The following SHISA9 variants were observed in gnomAD, a reference collection of about 807,000 sequenced individuals.
SHISA9 encodes the protein protein shisa-9.
In SHISA9, 13 loss-of-function variants were observed where a neutral mutation model predicts 38.0. The ratio of observed to expected loss-of-function variants is 0.34; its 90% CI spans 0.22 to 0.54. The LOEUF is 0.54. Ranked by LOEUF, SHISA9 falls within the 20% of genes least tolerant of loss-of-function variation. The pLI is 0.91. For missense variants in SHISA9, 538 were observed against 575.8 expected (o/e 0.93, Z 0.67); for synonymous variants, 275 against 242.0 (o/e 1.14, Z -1.27).
chr16:12,950,321 A>G (rs192721703), intron 2 of SHISA9, among the ~76,000 whole-genome samples: 1 of 152,330 alleles, frequency 6.6e-6, no homozygotes, highest in African/African-American at 2.4e-5. Context: ...ATGCCACTAT[A>G]AACAAGGGAG....
chr16:13,010,151 T>C (rs934846020), intron 2 of SHISA9, among the ~76,000 whole-genome samples: 4 of 152,200 alleles, frequency 2.6e-5, no homozygotes, highest in Admixed American at 2.6e-4. Context: ...GCATTCAGCC[T>C]GGGTAACAGC....
chr16:13,490,192 A>G, the SHISA9 span, among the ~76,000 whole-genome samples: 1 of 152,218 alleles, frequency 6.6e-6, no homozygotes, highest in African/African-American at 2.4e-5. Flanking sequence ...CAGAAGCCAT[A>G]GCAGGAGCAG....
chr16:12,920,079 G>A (rs569769097), intron 2 of SHISA9, among the ~76,000 whole-genome samples: 7 of 152,078 alleles, frequency 4.6e-5, no homozygotes, highest in Admixed American at 6.5e-5. Flanking sequence ...TGGAAGACGT[G>A]AGTGAGGGGC....
At chr16:13,515,010 A>G in the SHISA9 span, among the ~76,000 whole-genome samples, 1 of 152,158 alleles carries the variant, frequency 6.6e-6, no homozygotes, top group African/African-American at 2.4e-5. Flanking sequence ...CTTGTGAGAA[A>G]CAACGCAAGC....
In SHISA9 at chr16:12,997,413, T is replaced by TG. The variant is rs1450553793; in HGVS notation, c.691+80598_691+80599insG. ...TTTCCAGTTTAGGCTTAACCTAGTT[T>TG]TTTTTTTTTTTTTTAGACAGTCTCG... On this transcript the variant is annotated intron_variant, in intron 2 of 4. Coordinates refer to ENST00000558583, the MANE Select transcript of SHISA9 (RefSeq NM_001145204.3). Among the ~76,000 whole-genome samples the TG allele has an allele frequency of 2.4e-3, 361 of 151,192 alleles. 2 individuals carry two copies. Among genetic ancestry groups the TG allele is most frequent in the Non-Finnish European group, 4.1e-3 (280 of 67,722 alleles).
At chr16:13,394,929 GT>G in the SHISA9 span, among the ~76,000 whole-genome samples, 2,533 of 20,160 alleles carry the variant, frequency 0.13, 43 homozygotes, top group African/African-American at 0.22. Flanking sequence ...AGTATCTGGG[GT>G]GTGTGTGTGT....
the SHISA9 span, among the ~76,000 whole-genome samples, chr16:13,390,124 CTTT>C: frequency 6.3e-3 from 934 of 149,348 alleles, 13 homozygotes; most frequent in African/African-American, 0.022. Flanking sequence ...TTTTTCTAAC[CTTT>C]TTTTTTTTTT....
intron 2 of SHISA9, among the ~76,000 whole-genome samples, chr16:12,944,996 C>T (rs1368283281): frequency 3.9e-5 from 6 of 152,274 alleles, no homozygotes; most frequent in Middle Eastern, 3.4e-3. Flanking sequence ...GCAAGAAGAA[C>T]GTGCCCCAGA....
At chr16:13,386,016 A>G in the SHISA9 span, among the ~76,000 whole-genome samples, 392 of 152,284 alleles carry the variant, frequency 2.6e-3, 5 homozygotes, top group Admixed American at 0.018. Flanking sequence ...TGAGTAAGAA[A>G]GGACACCATA....
chr16:12,950,938 C>T (rs1296951166), intron 2 of SHISA9, among the ~76,000 whole-genome samples: 2 of 147,950 alleles, frequency 1.4e-5, no homozygotes, highest in African/African-American at 4.9e-5. Context: ...TTAAATGTGG[C>T]TACTTGAAAA....
intron 2 of SHISA9, among the ~76,000 whole-genome samples, chr16:13,033,339 A>G (rs369346159): frequency 6.6e-6 from 1 of 152,212 alleles, no homozygotes; most frequent in African/African-American, 2.4e-5. Flanking sequence ...GGAAGAATGA[A>G]TACTGGACAG....
the SHISA9 span, among the ~76,000 whole-genome samples, chr16:13,466,778 A>G: frequency 6.6e-6 from 1 of 152,144 alleles, no homozygotes; most frequent in African/African-American, 2.4e-5. Context: ...TTAACTTTGT[A>G]TCAGCATTTA....
chr16:13,144,583 AAAG>A (rs2050431001), intron 2 of SHISA9, among the ~76,000 whole-genome samples: 1 of 152,148 alleles, frequency 6.6e-6, no homozygotes, highest in Non-Finnish European at 1.5e-5. Flanking sequence ...GAGGTCGGGG[AAAG>A]AAGAGATGGA....
chr16:13,468,291 G>A, the SHISA9 span, among the ~76,000 whole-genome samples: 12 of 152,244 alleles, frequency 7.9e-5, no homozygotes, highest in East Asian at 1.7e-3. Context: ...TTCTGGACCC[G>A]GATTATTGGT....
At chr16:13,557,963 T>C in the SHISA9 span, among the ~76,000 whole-genome samples, 29 of 152,092 alleles carry the variant, frequency 1.9e-4, no homozygotes, top group African/African-American at 6.3e-4. Context: ...TTTTAAACTA[T>C]AGGCTTCCGA....
chr16:13,010,301 C>T (rs1319758505), intron 2 of SHISA9, among the ~76,000 whole-genome samples: 1 of 152,064 alleles, frequency 6.6e-6, no homozygotes, highest in Middle Eastern at 3.2e-3. Flanking sequence ...GGACATCAAA[C>T]AAAATGCATT....
In SHISA9 at chr16:12,908,785, C is replaced by T. The variant is rs867748097; in HGVS notation, c.563+6158C>T. 3.1e-4 allele frequency: 421 copies of T among 1,363,698 alleles called. No homozygotes were observed. In the Middle Eastern group the frequency reaches 5.1e-3, roughly 16 times the overall value. The allele number at this position is 1,363,698 out of a possible 1,614,324, so 84.5% of individuals were successfully genotyped here. A position where few individuals can be genotyped will look rare whatever the true frequency, so the allele number is the denominator to read the frequency against. Reference sequence around the variant, plus strand: ...GCAGGCCCAGACGTCTTGGTGGAGGCGTTGGTGAGAAATGACCTTGGGGAC... The same window carrying T: ...GCAGGCCCAGACGTCTTGGTGGAGGTGTTGGTGAGAAATGACCTTGGGGAC... On this transcript the variant is annotated intron_variant, in intron 1 of 4. Transcript: ENST00000558583.
chr16:13,347,963 G>T, the SHISA9 span, among the ~76,000 whole-genome samples: 1 of 152,294 alleles, frequency 6.6e-6, no homozygotes, highest in Non-Finnish European at 1.5e-5. Flanking sequence ...TTAAAATAGG[G>T]AGATTATCCT....
At chr16:13,297,874 A>G in the SHISA9 span, among the ~76,000 whole-genome samples, 1 of 152,122 alleles carries the variant, frequency 6.6e-6, no homozygotes, top group Non-Finnish European at 1.5e-5. Context: ...CTCCTGCTTC[A>G]GCCTCTTGAG....
Sources: allele counts gnomAD v4.1 joint callset (sites outside exome capture counted in the v4.1 genomes callset), GRCh38; gene constraint gnomAD v4.1.1; transcripts MANE v1.5; gene names NCBI Gene and HGNC (gene_info 2026-07-23, HGNC 2026-07-21).